BAIAP2: variants seen among roughly 807,000 people sequenced by gnomAD.
The protein encoded by BAIAP2 is BAR/IMD domain containing adaptor protein 2, also known as BAR/IMD domain-containing adapter protein 2.
Under a neutral mutation model 63.0 loss-of-function variants are expected in BAIAP2, and 18 were observed. That is an observed-to-expected ratio of 0.29 (90% CI 0.20 to 0.42). BAIAP2 has a LOEUF of 0.42. Among genes scored for constraint, BAIAP2 ranks in the 10% least tolerant of loss-of-function variants. BAIAP2 has a pLI of 1.00. For synonymous variants in BAIAP2, 386 were observed against 307.6 expected (o/e 1.25, Z -2.67); for missense variants, 610 against 734.3 (o/e 0.83, Z 1.96).
intron 13 of BAIAP2, chr17:81,108,876 T>C (rs1237418456): frequency 4.0e-6 from 6 of 1,488,696 alleles, no homozygotes; most frequent in Non-Finnish European, 4.5e-6. Flanking sequence ...CGGGAGCTGC[T>C]GAAAGGGGCA....
chr17:81,102,472 C>T (rs559758290), intron 7 of BAIAP2, among the ~76,000 whole-genome samples: 1 of 152,354 alleles, frequency 6.6e-6, no homozygotes, highest in East Asian at 1.9e-4. Context: ...GCCGTGCCGT[C>T]TCCAGCTCTG....
At chr17:81,081,766 G>A (rs1044648895) in intron 3 of BAIAP2, among the ~76,000 whole-genome samples, 2 of 152,152 alleles carry the variant, frequency 1.3e-5, no homozygotes, top group Admixed American at 6.5e-5. Context: ...CAGAGGTCTC[G>A]ACTTCATCCC....
chr17:81,113,561 T>C (rs2060155252), intron 13 of BAIAP2, among the ~76,000 whole-genome samples: 1 of 152,166 alleles, frequency 6.6e-6, no homozygotes, highest in Admixed American at 6.5e-5. Flanking sequence ...AGCCCCTCCT[T>C]GTGGGCCTGC....
chr17:81,107,194 C>A, intron 12 of BAIAP2: 1 of 390,234 alleles, frequency 2.6e-6, no homozygotes, highest in Non-Finnish European at 4.6e-6. Context: ...CTGCTCTGTC[C>A]AAGGGGGCAG....
chr17:81,114,136 ATTTTTTT>A lies in BAIAP2; in HGVS notation c.1536-1621_1536-1615del, dbSNP rs58461450. Among the ~76,000 whole-genome samples, 599 of 124,634 alleles carry A rather than the reference ATTTTTTT, an allele frequency of 4.8e-3. 2 individuals carry two copies. The highest frequency in any genetic ancestry group is 9.1e-3 in the Admixed American group (109 of 12,018). 81.8% of individuals were successfully genotyped at this position (124,634 alleles called of 152,430 possible). Reference sequence around the variant, plus strand: ...TGCACCACTCTCCCGCACCTGCCTAATTTTTTTTTTTTTTTTTTTGTAGAGACGGGTA... The same window carrying A: ...TGCACCACTCTCCCGCACCTGCCTAATTTTTTTTTTTTGTAGAGACGGGTA... On this transcript the variant is annotated intron_variant, in intron 13 of 13. Coordinates refer to ENST00000428708, the MANE Select transcript of BAIAP2 (RefSeq NM_001144888.2).
At position 81,106,890 on chromosome 17, in the gene BAIAP2, G is replaced by A. The variant is rs760813385; in HGVS notation, c.1483G>A (p.Val495Met). The A allele has an allele frequency of 5.2e-5, 81 of 1,567,824 alleles. No homozygotes were observed. The highest frequency in any genetic ancestry group is 5.1e-4 in the South Asian group (43 of 84,150). ...CAAGCAGAGGCCCTACAGTGTGGCC[G>A]TGCCCGCCTTCTCCCAGGTCAGTGG... ...GFKQRPYSVA[V>M]PAFSQGLDDY... is the part of the protein sequence containing the mutation. The change falls in exon 12 of 14, where the codon GTG (valine) becomes ATG (methionine). Residue 495 changes from valine (V) to methionine (M), a missense_variant. Around this residue, in one of 5 missense-constraint regions of BAIAP2, gnomAD observed 114 missense variants for 98.2 expected, o/e 1.16. Transcript: ENST00000428708.
At chr17:81,105,850 G>A in intron 10 of BAIAP2, 2 of 483,136 alleles carry the variant, frequency 4.1e-6, no homozygotes, top group South Asian at 4.6e-5. Flanking sequence ...GGTGGGGCCG[G>A]CAGCTCCCAC....
intron 3 of BAIAP2, among the ~76,000 whole-genome samples, chr17:81,059,597 A>G (rs1328025255): frequency 6.6e-6 from 1 of 152,184 alleles, no homozygotes; most frequent in African/African-American, 2.4e-5. Flanking sequence ...GGCGTGCGCC[A>G]CCACGCCCAG....
At chr17:81,102,986 C>A (rs918510066) in intron 7 of BAIAP2, among the ~76,000 whole-genome samples, 3 of 152,238 alleles carry the variant, frequency 2.0e-5, no homozygotes, top group Non-Finnish European at 4.4e-5. Flanking sequence ...GGTCTGTGTC[C>A]AGCAGGCCGC....
intron 1 of BAIAP2, among the ~76,000 whole-genome samples, chr17:81,040,887 G>A (rs2046984326): frequency 6.6e-6 from 1 of 152,208 alleles, no homozygotes; most frequent in African/African-American, 2.4e-5. Flanking sequence ...TGCAACAAGG[G>A]GACCAGAAAG....
intron 3 of BAIAP2, among the ~76,000 whole-genome samples, chr17:81,069,821 A>G (rs771257145): frequency 1.1e-4 from 17 of 152,188 alleles, no homozygotes; most frequent in Non-Finnish European, 1.6e-4. Flanking sequence ...CGTGGGAGCC[A>G]TGCCCAGGGC....
rs377234248 is a variant in BAIAP2 at position 81,106,874 on chromosome 17, G to T, written c.1467G>T (p.Arg489Ser). ...AGACGGCCAGCGGCTTCAAGCAGAGGCCCTACAGTGTGGCCGTGCCCGCCT... is the reference window on the plus strand; with the variant it reads ...AGACGGCCAGCGGCTTCAAGCAGAGTCCCTACAGTGTGGCCGTGCCCGCCT... ...PAQTASGFKQRPYSVAVPAFS... is the reference protein window; with the variant it reads ...PAQTASGFKQSPYSVAVPAFS... The change falls in exon 12 of 14, where the codon AGG becomes AGT. Residue 489 changes from arginine (R) to serine (S), a missense_variant. Transcript: ENST00000428708. 1.9e-6 allele frequency: 3 copies of T among 1,597,874 alleles called. No individual in the cohort carries two copies. Among genetic ancestry groups the T allele is most frequent in the East Asian group, 2.2e-5 (1 of 44,576 alleles).
At chr17:81,094,864 G>C (rs1187721091) in intron 6 of BAIAP2, among the ~76,000 whole-genome samples, 1 of 152,244 alleles carries the variant, frequency 6.6e-6, no homozygotes, top group Non-Finnish European at 1.5e-5. Context: ...TGAAGGCCAA[G>C]AATTACGTTC....
Position 81,106,903 on chromosome 17 carries a change from C to G in BAIAP2, c.1496C>G (p.Ser499Cys). Residue 499 changes from serine to cysteine, a missense_variant, in exon 12 of 14, where the codon TCC (serine) becomes TGC (cysteine). Ser to Cys is a moderately radical substitution (Grantham distance 112, BLOSUM62 -1). Around this residue, in one of 5 missense-constraint regions of BAIAP2, gnomAD observed 114 missense variants for 98.2 expected, o/e 1.16. Transcript: ENST00000428708. ...RPYSVAVPAF[S>C]QGLDDYGARS... ...TACAGTGTGGCCGTGCCCGCCTTCT[C>G]CCAGGTCAGTGGGCGGGGCCGGGGC... 1 of 1,545,630 alleles carries G rather than the reference C, an allele frequency of 6.5e-7. No individual in the cohort carries two copies. Among genetic ancestry groups the G allele is most frequent in the Non-Finnish European group, 8.7e-7 (1 of 1,145,308 alleles).
chr17:81,116,078 G>A lies in BAIAP2; in HGVS notation c.*239G>A, dbSNP rs1005316777. 1.4e-5 allele frequency: 21 copies of A among 1,485,582 alleles called. No homozygotes were observed. The highest frequency in any genetic ancestry group is 2.6e-5 in the South Asian group (2 of 75,746). 92.0% of individuals were successfully genotyped at this position (1,485,582 alleles called of 1,614,324 possible). A position where few individuals can be genotyped will look rare whatever the true frequency, so the allele number is the denominator to read the frequency against. Reference sequence around the variant, plus strand: ...CTGGGCTGCCCAGGGCTGAGGGGCCGCCTCTTGAGGGTACACGCCTCTGGT... The same window carrying A: ...CTGGGCTGCCCAGGGCTGAGGGGCCACCTCTTGAGGGTACACGCCTCTGGT... On this transcript the variant is annotated 3_prime_UTR_variant, in exon 14 of 14. Coordinates refer to ENST00000428708, the MANE Select transcript of BAIAP2 (RefSeq NM_001144888.2).
intron 2 of BAIAP2, chr17:81,057,576 CG>C (rs1568088609): frequency 9.4e-7 from 1 of 1,060,634 alleles, no homozygotes; most frequent in East Asian, 5.3e-5. Context: ...TCCCTCCCCC[CG>C]GCCCTGCCTG....
Position 81,085,640 on chromosome 17 carries a change from C to G in BAIAP2, c.280-14C>G. On this transcript the variant is annotated splice_polypyrimidine_tract_variant and intron_variant, in intron 4 of 13. Coordinates refer to ENST00000428708, the MANE Select transcript of BAIAP2 (RefSeq NM_001144888.2). ...TTGGAGCTGACGGCTGATGTGTTTT[C>G]TCTCCATGTCCAGCTGAAGTCTTTT... The G allele has an allele frequency of 6.2e-7, 1 of 1,612,264 alleles. No individual in the cohort carries two copies. The highest frequency in any genetic ancestry group is 8.5e-7 in the Non-Finnish European group (1 of 1,178,616).
intron 2 of BAIAP2, among the ~76,000 whole-genome samples, chr17:81,055,030 A>AG (rs1317799238): frequency 6.6e-6 from 1 of 152,036 alleles, no homozygotes; most frequent in East Asian, 1.9e-4. Flanking sequence ...AGCAGGGAGG[A>AG]GATCGTGTGT....
rs1343328152 is a variant in BAIAP2 at position 81,115,838 on chromosome 17, G to C, written c.1604G>C (p.Ter535SerextTer54). ...GACAGGTCTGCCCCCCTCCTCAGCT[G>C]ATGGCCACATCTGCAGTGCTGCCCA... ...TNDRSAPLLS[*>S] is the part of the protein sequence containing the mutation. The change falls in exon 14 of 14, where the codon TGA becomes TCA. Residue 535 changes from the stop codon to serine (S), a stop_lost. Coordinates refer to ENST00000428708, the MANE Select transcript of BAIAP2 (RefSeq NM_001144888.2). 1.9e-6 allele frequency: 3 copies of C among 1,613,354 alleles called. No homozygotes were observed. The highest frequency in any genetic ancestry group is 2.5e-6 in the Non-Finnish European group (3 of 1,180,006).
Sources: allele counts gnomAD v4.1 joint callset (sites outside exome capture counted in the v4.1 genomes callset), GRCh38; gene constraint gnomAD v4.1.1; regional missense constraint gnomAD v4.1.1; transcripts MANE v1.5; gene names NCBI Gene and HGNC (gene_info 2026-07-23, HGNC 2026-07-21).